IFNAR1: variants seen among roughly 807,000 people sequenced by gnomAD.
The protein encoded by IFNAR1 is interferon alpha/beta receptor 1.
A neutral mutation model predicts 62.1 loss-of-function variants in IFNAR1; 47 were observed. The observed-to-expected ratio is 0.76, with a 90% CI of 0.60 to 0.97. IFNAR1 has a LOEUF of 0.97. IFNAR1 is among the 50% of genes least tolerant of loss of function. The pLI is 0.00. For missense variants in IFNAR1, 638 were observed against 654.5 expected (o/e 0.97, Z 0.27); for synonymous variants, 219 against 226.9 (o/e 0.97, Z 0.31).
In IFNAR1 at chr21:33,346,054, G is replaced by A. The variant is rs17875822; in HGVS notation, c.788+694G>A. ...TGTATGATCACACCTGCTAGTAGCC[G>A]CTGCACTGCAGCCTGGGCAACATAG... On this transcript the variant is annotated intron_variant, in intron 6 of 10. Coordinates refer to ENST00000270139, the MANE Select transcript of IFNAR1 (RefSeq NM_000629.3). Among the ~76,000 whole-genome samples the A allele has an allele frequency of 2.8e-3, 433 of 152,276 alleles. 3 individuals are homozygous for A. Among genetic ancestry groups the A allele is most frequent in the African/African-American group, 9.6e-3 (399 of 41,564 alleles).
intron 1 of IFNAR1, among the ~76,000 whole-genome samples, chr21:33,333,813 C>T (rs1046850447): frequency 2.6e-5 from 4 of 151,598 alleles, no homozygotes; most frequent in Non-Finnish European, 4.4e-5. Context: ...TTAGTAGAGA[C>T]GGGGTTTCAC....
intron 3 of IFNAR1, among the ~76,000 whole-genome samples, chr21:33,342,435 C>G (rs1400847404): frequency 6.6e-6 from 1 of 151,598 alleles, no homozygotes; most frequent in Non-Finnish European, 1.5e-5. Context: ...ATCCTGAGAC[C>G]AAAAGGTTTG....
In IFNAR1 at chr21:33,344,765, C is replaced by CT. The variant is rs1555875100; in HGVS notation, c.674-479dup. On this transcript the variant is annotated intron_variant, in intron 5 of 10. Transcript: ENST00000270139. ...CATCTATTGCATTCTTTCTTTTTTA[C>CT]TTATTTATTTATTTATTTATTTATT... Among the ~76,000 whole-genome samples the CT allele has an allele frequency of 1.9e-3, 233 of 122,110 alleles. 1 individual carries two copies. Among genetic ancestry groups the CT allele is most frequent in the African/African-American group, 6.1e-3 (216 of 35,396 alleles). 80.1% of individuals were successfully genotyped at this position (122,110 alleles called of 152,430 possible).
At position 33,355,347 on chromosome 21, in the gene IFNAR1, T is replaced by A. The variant is rs1402820573; in HGVS notation, c.1472T>A (p.Leu491Gln). 1 of 1,588,292 alleles carries A rather than the reference T, an allele frequency of 6.3e-7. No individual in the cohort carries two copies. The change falls in exon 11 of 11, where the codon CTG (leucine) becomes CAG (glutamine). Residue 491 changes from leucine (L) to glutamine (Q), a missense_variant. Physicochemically the swap from Leu to Gln is moderately radical, Grantham distance 113 (BLOSUM62 -2). Transcript: ENST00000270139. ...TCTGAACAGCCATTGAAGAATCTTCTGCTTTCAACTTCTGAGGAACAAATC... is the reference window on the plus strand; with the variant it reads ...TCTGAACAGCCATTGAAGAATCTTCAGCTTTCAACTTCTGAGGAACAAATC... Reference protein sequence around the residue: ...YFSEQPLKNLLLSTSEEQIEK... With the variant: ...YFSEQPLKNLQLSTSEEQIEK...
At chr21:33,339,927 CAAAAAAAAAAAA>C (rs532975886) in intron 2 of IFNAR1, among the ~76,000 whole-genome samples, 9 of 81,832 alleles carry the variant, frequency 1.1e-4, no homozygotes, top group African/African-American at 2.6e-4. Flanking sequence ...GACTCTGTCT[CAAAAAAAAAAAA>C]AAAAAAAAAA....
chr21:33,352,471 T>G (rs1342917309), intron 8 of IFNAR1, among the ~76,000 whole-genome samples: 1 of 151,942 alleles, frequency 6.6e-6, no homozygotes, highest in African/African-American at 2.4e-5. Context: ...CGTGGTGGCA[T>G]CTGCATCTGT....
In IFNAR1 at chr21:33,356,324, A is replaced by G. The variant is rs1282794504; in HGVS notation, c.*775A>G. ...TTTCAAACATTTGGTCTTTTCTTTT[A>G]ACACTGAGGGTAGGCCCTTAGGAAA... On this transcript the variant is annotated 3_prime_UTR_variant, in exon 11 of 11. Transcript: ENST00000270139. 6.6e-6 allele frequency: 1 copy of G among 152,178 alleles called. No individual in the cohort carries two copies. Among genetic ancestry groups the G allele is most frequent in the Admixed American group, 6.5e-5 (1 of 15,278 alleles). The allele number at this position is 152,178 out of a possible 1,614,324, so 9.4% of individuals were successfully genotyped here. A position where few individuals can be genotyped will look rare whatever the true frequency, so the allele number is the denominator to read the frequency against.
In IFNAR1 at chr21:33,352,832, C is replaced by G; in HGVS notation, c.1218C>G (p.Ala406=). 1 of 1,604,366 alleles carries G rather than the reference C, an allele frequency of 6.2e-7. No homozygotes were observed. Among genetic ancestry groups the G allele is most frequent in the Non-Finnish European group, 8.5e-7 (1 of 1,172,776 alleles). ...LKPLTVYCVK[A]RAHTMDEKLN... is the part of the protein sequence containing the mutation. Reference sequence around the variant, plus strand: ...CACTGACTGTATATTGTGTGAAAGCCAGAGCACACACCATGGATGAAAAGC... The same window carrying G: ...CACTGACTGTATATTGTGTGAAAGCGAGAGCACACACCATGGATGAAAAGC... Residue 406 remains alanine (A), a synonymous_variant, in exon 9 of 11, where the codon GCC becomes GCG. Transcript: ENST00000270139.
intron 1 of IFNAR1, chr21:33,335,065 A>G: frequency 9.4e-7 from 1 of 1,066,804 alleles, no homozygotes; most frequent in South Asian, 1.3e-5. Flanking sequence ...GCAGGGAGGA[A>G]GCCAGCACTT....
rs748488970 is a variant in IFNAR1 at position 33,355,315 on chromosome 21, G to A, written c.1441-1G>A. ...CTACTCTTTCCCTTTTTTTAAATTA[G>A]TATTTCTCTGAACAGCCATTGAAGA... On this transcript the variant is annotated splice_acceptor_variant, in intron 10 of 10. Coordinates refer to ENST00000270139, the MANE Select transcript of IFNAR1 (RefSeq NM_000629.3). LOFTEE classifies it high-confidence loss of function. 7.8e-6 allele frequency: 11 copies of A among 1,402,620 alleles called. No homozygotes were observed. The highest frequency in any genetic ancestry group is 1.1e-5 in the Non-Finnish European group (11 of 1,026,170). The allele number at this position is 1,402,620 out of a possible 1,614,324, so 86.9% of individuals were successfully genotyped here. A position where few individuals can be genotyped will look rare whatever the true frequency, so the allele number is the denominator to read the frequency against.
intron 2 of IFNAR1, among the ~76,000 whole-genome samples, chr21:33,337,325 T>A (rs1174041086): frequency 6.6e-6 from 1 of 152,098 alleles, no homozygotes; most frequent in Admixed American, 6.6e-5. Flanking sequence ...CTTAGTACTT[T>A]CTACTTAATT....
At chr21:33,345,104 G>A (rs924721537) in intron 5 of IFNAR1, 142 bp from the exon 6 acceptor site, 13 of 564,912 alleles carry the variant, frequency 2.3e-5, no homozygotes, top group Non-Finnish European at 3.7e-5. Context: ...CTTTCAAATG[G>A]CTGCATAGTA....
chr21:33,354,924 C>T (rs926918628), intron 10 of IFNAR1, among the ~76,000 whole-genome samples: 3 of 151,972 alleles, frequency 2.0e-5, no homozygotes, highest in African/African-American at 7.3e-5. Context: ...GTTACAATAG[C>T]CAATAATTTC....
Position 33,328,978 on chromosome 21 carries a change from A to T in IFNAR1, c.76+3847A>T, listed in dbSNP as rs17875874. Among the ~76,000 whole-genome samples the T allele has an allele frequency of 2.8e-3, 419 of 152,200 alleles. 2 individuals are homozygous for T. Among genetic ancestry groups the T allele is most frequent in the Non-Finnish European group, 4.5e-3 (308 of 67,990 alleles). On this transcript the variant is annotated intron_variant, in intron 1 of 10. Coordinates refer to ENST00000270139, the MANE Select transcript of IFNAR1 (RefSeq NM_000629.3). The stretch of plus-strand genomic sequence containing the variant: ...TTTATGAAAAAATTATTAAAAGGAG[A>T]TTGCCAATAATAATAGAGCAAAATC...
chr21:33,353,835 T>A, intron 10 of IFNAR1, 52 bp downstream of exon 10: 1 of 1,213,694 alleles, frequency 8.2e-7, no homozygotes, highest in Non-Finnish European at 1.2e-6. Flanking sequence ...GAACAGAAAA[T>A]GTGTTTGATT....
At chr21:33,333,638 T>A (rs2123663773) in intron 1 of IFNAR1, among the ~76,000 whole-genome samples, 1 of 147,128 alleles carries the variant, frequency 6.8e-6, no homozygotes, top group South Asian at 2.2e-4. Flanking sequence ...TTTTTTTTTT[T>A]TTTGAGACGG....
chr21:33,347,011 T>C (rs896024639), intron 6 of IFNAR1, among the ~76,000 whole-genome samples: 2 of 152,152 alleles, frequency 1.3e-5, no homozygotes, highest in African/African-American at 4.8e-5. Flanking sequence ...GAGTCAGTCA[T>C]TCATACAAGA....
intron 8 of IFNAR1, among the ~76,000 whole-genome samples, chr21:33,350,791 C>G (rs1294358221): frequency 1.3e-5 from 2 of 152,140 alleles, no homozygotes; most frequent in African/African-American, 2.4e-5. Flanking sequence ...CTTAATGTAG[C>G]CCATTGAGAA....
chr21:33,336,852 G>GCGAT (rs1256369237), intron 2 of IFNAR1, among the ~76,000 whole-genome samples: 2 of 148,218 alleles, frequency 1.3e-5, no homozygotes, highest in Non-Finnish European at 3.0e-5. Context: ...CCGGTTTCAA[G>GCGAT]CGATTCTCCT....
Sources: gnomAD v4.1 joint callset for allele counts (sites outside exome capture counted in the v4.1 genomes callset) on GRCh38, gnomAD v4.1.1 for gene constraint, MANE v1.5 for transcripts, NCBI Gene and HGNC (gene_info 2026-07-23, HGNC 2026-07-21) for gene names.